Variants in MYO9A observed in about 807,000 individuals in gnomAD.
The protein encoded by MYO9A is myosin IXA.
A neutral mutation model predicts 293.3 loss-of-function variants in MYO9A; 103 were observed. That is an observed-to-expected ratio of 0.35 (90% confidence interval 0.30 to 0.41). The LOEUF is 0.41. Ranked by LOEUF, MYO9A falls within the 10% of genes least tolerant of loss-of-function variation. The pLI is 1.00. For missense variants in MYO9A, 2,685 were observed against 3,033.0 expected (o/e 0.89, Z 2.69); for synonymous variants, 1,001 against 1,035.7 (o/e 0.97, Z 0.64).
At chr15:71,883,454 A>C (rs763750622) in intron 28 of MYO9A, 140 bp downstream of exon 28, 15 of 829,056 alleles carry the variant, frequency 1.8e-5, no homozygotes, top group Non-Finnish European at 2.2e-5. Context: ...TAGTTAAGGA[A>C]GGATTTAACA....
At chr15:71,942,895 A>G (rs1312225283) in intron 15 of MYO9A, among the ~76,000 whole-genome samples, 2 of 152,050 alleles carry the variant, frequency 1.3e-5, no homozygotes, top group African/African-American at 4.8e-5. Flanking sequence ...TAGTGGGTTC[A>G]GCTTCTATCT....
intron 13 of MYO9A, among the ~76,000 whole-genome samples, chr15:71,962,508 T>C (rs1054893737): frequency 6.6e-6 from 1 of 152,054 alleles, no homozygotes; most frequent in Non-Finnish European, 1.5e-5. Flanking sequence ...TAAAAGAAAA[T>C]TAGAAAAACT....
At chr15:71,827,192 T>A in intron 41 of MYO9A, 149 bp from the exon 42 acceptor site, 1 of 604,114 alleles carries the variant, frequency 1.7e-6, no homozygotes, top group Non-Finnish European at 2.8e-6. Flanking sequence ...ACAGTCACAG[T>A]AAGAGCTCAC....
intron 1 of MYO9A, among the ~76,000 whole-genome samples, chr15:72,080,612 T>C (rs1049080225): frequency 2.1e-5 from 3 of 141,942 alleles, no homozygotes; most frequent in African/African-American, 8.7e-5. Context: ...ACTTTTTGGG[T>C]TTTTTTTTTA....
intron 32 of MYO9A, among the ~76,000 whole-genome samples, chr15:71,868,159 A>G (rs2056399082): frequency 6.6e-6 from 1 of 152,134 alleles, no homozygotes; most frequent in African/African-American, 2.4e-5. Context: ...TCTGCTTCCA[A>G]TCTCATTCAG....
chr15:72,043,862 T>A (rs569896031), intron 2 of MYO9A, among the ~76,000 whole-genome samples: 52 of 152,142 alleles, frequency 3.4e-4, no homozygotes, highest in African/African-American at 1.2e-3. Flanking sequence ...CTACAAAATA[T>A]CTTTTAAAAA....
chr15:72,012,470 T>C (rs1443920811), intron 6 of MYO9A, among the ~76,000 whole-genome samples: 3 of 152,022 alleles, frequency 2.0e-5, no homozygotes, highest in African/African-American at 7.2e-5. Flanking sequence ...AATTTTCCTA[T>C]ATTTTTTAGT....
At chr15:71,978,032 G>A (rs555586457) in intron 12 of MYO9A, 139 bp downstream of exon 12, 49 of 968,008 alleles carry the variant, frequency 5.1e-5, no homozygotes, top group East Asian at 4.9e-4. Flanking sequence ...TCAAGACTCC[G>A]TCTCAAAAAT....
chr15:71,956,323 A>AT (rs1567314800), intron 14 of MYO9A, among the ~76,000 whole-genome samples: 21 of 73,906 alleles, frequency 2.8e-4, no homozygotes, highest in African/African-American at 9.5e-4. Context: ...AAAAAAAAAA[A>AT]AAAAAAAATA....
rs2054398762 is a variant in MYO9A at position 71,824,719 on chromosome 15, T to TAAC, written c.*1858_*1860dup. The TAAC allele has an allele frequency of 6.6e-6, 1 of 152,230 alleles. No homozygotes were observed. The highest frequency in any genetic ancestry group is 2.4e-5 in the African/African-American group (1 of 41,458). 9.4% of individuals were successfully genotyped at this position (152,230 alleles called of 1,614,324 possible). A position where few individuals can be genotyped will look rare whatever the true frequency, so the allele number is the denominator to read the frequency against. On this transcript the variant is annotated 3_prime_UTR_variant, in exon 42 of 42. Coordinates refer to ENST00000356056, the MANE Select transcript of MYO9A (RefSeq NM_006901.4). ...GCAGATGTCTGTGGGATATAAAGCA[T>TAAC]AACATTTGCTCATTAACTATCATTA...
chr15:72,118,538 T>A (rs1321208947), upstream of MYO9A: 1 of 152,202 alleles, frequency 6.6e-6, no homozygotes, highest in African/African-American at 2.4e-5. Context: ...TTCTGGCGTA[T>A]CCGTGCTCCC....
chr15:71,908,759 A>G (rs778874485), intron 19 of MYO9A, among the ~76,000 whole-genome samples: 60 of 152,318 alleles, frequency 3.9e-4, no homozygotes, highest in Non-Finnish European at 6.9e-4. Flanking sequence ...CAATACTGAC[A>G]TGATTATTAA....
chr15:72,046,217 A>C lies in MYO9A; in HGVS notation c.347T>G (p.Ile116Ser). The change falls in exon 2 of 42, where the codon ATC (isoleucine) becomes AGC (serine). Residue 116 changes from isoleucine to serine, a missense_variant. Ile to Ser is a moderately radical substitution (Grantham distance 142). Coordinates refer to ENST00000356056, the MANE Select transcript of MYO9A (RefSeq NM_006901.4). ...LLREKNLDGS[I>S]HYGSLQSWLR... ...CCATGACTGCAGGCTACCATAATGGATTGATCCATCAAGGTTTTTCTCTCT... is the reference window on the plus strand; with the variant it reads ...CCATGACTGCAGGCTACCATAATGGCTTGATCCATCAAGGTTTTTCTCTCT... The C allele has an allele frequency of 4.3e-6, 7 of 1,613,912 alleles. No homozygotes were observed. Among genetic ancestry groups the C allele is most frequent in the Non-Finnish European group, 5.1e-6 (6 of 1,179,934 alleles).
intron 1 of MYO9A, among the ~76,000 whole-genome samples, chr15:72,110,210 T>C (rs7164780): frequency 0.63 from 94,781 of 151,486 alleles, 31,260 homozygotes; most frequent in Middle Eastern, 0.74. Flanking sequence ...CCGAGGCAGG[T>C]AGATTACCTG....
chr15:71,910,102 GTATA>G (rs771648187), intron 19 of MYO9A, among the ~76,000 whole-genome samples: 1 of 133,934 alleles, frequency 7.5e-6, no homozygotes, highest in Non-Finnish European at 1.6e-5. Flanking sequence ...ATATATATAC[GTATA>G]TATATACGTG....
chr15:71,876,509 C>T (rs1357594771), intron 31 of MYO9A, among the ~76,000 whole-genome samples: 1 of 142,020 alleles, frequency 7.0e-6, no homozygotes, highest in Admixed American at 7.5e-5. Flanking sequence ...AATCTTGGCT[C>T]ACCACAACCT....
At chr15:72,016,563 C>T (rs1182902511) in intron 6 of MYO9A, among the ~76,000 whole-genome samples, 1 of 152,190 alleles carries the variant, frequency 6.6e-6, no homozygotes, top group African/African-American at 2.4e-5. Context: ...TGATGCTAGT[C>T]ACATAAGTTC....
In MYO9A at chr15:71,825,918, A is replaced by ATTCTC. The variant is rs1265962896; in HGVS notation, c.*657_*661dup. On this transcript the variant is annotated 3_prime_UTR_variant, in exon 42 of 42. Transcript: ENST00000356056. ...TCAAACATCATCAAAAAAAATAGGT[A>ATTCTC]TTCTCTTCTTCACTGTATAACAAGA... 4 of 150,440 alleles carry ATTCTC rather than the reference A, an allele frequency of 2.7e-5. No individual in the cohort carries two copies. Among genetic ancestry groups the ATTCTC allele is most frequent in the African/African-American group, 9.8e-5 (4 of 40,798 alleles). The allele number at this position is 150,440 out of a possible 1,614,324, so 9.3% of individuals were successfully genotyped here.
intron 1 of MYO9A, among the ~76,000 whole-genome samples, chr15:72,086,359 G>A (rs1408135761): frequency 6.6e-6 from 1 of 152,098 alleles, no homozygotes; most frequent in African/African-American, 2.4e-5. Context: ...TGGCCACTCA[G>A]GGAGGGGGAG....
Sources: gnomAD v4.1 joint callset for allele counts (sites outside exome capture counted in the v4.1 genomes callset) on GRCh38, gnomAD v4.1.1 for gene constraint, MANE v1.5 for transcripts, NCBI Gene and HGNC (gene_info 2026-07-23, HGNC 2026-07-21) for gene names.